The following L3MBTL4 variants were observed in gnomAD, a reference collection of about 807,000 sequenced individuals.
L3MBTL4 encodes the protein L3MBTL histone methyl-lysine binding protein 4, also known as lethal(3)malignant brain tumor-like protein 4.
L3MBTL4 carries 70 observed loss-of-function variants against 84.5 expected under a neutral mutation model. That is an observed-to-expected ratio of 0.83 (90% confidence interval 0.68 to 1.01). The LOEUF is 1.01. Ranked by LOEUF, L3MBTL4 falls within the 50% of genes least tolerant of loss-of-function variation. The pLI, the probability that L3MBTL4 is intolerant of heterozygous loss-of-function variation, is 0.00. For synonymous variants in L3MBTL4, 274 were observed against 259.8 expected, an observed-to-expected ratio of 1.05 and a Z score of -0.52; for missense variants, 715 against 754.8, an observed-to-expected ratio of 0.95 and a Z score of 0.62.
intron 14 of L3MBTL4, among the ~76,000 whole-genome samples, chr18:6,104,359 T>C (rs1055507402): frequency 2.0e-5 from 3 of 152,200 alleles, no homozygotes; most frequent in Non-Finnish European, 2.9e-5. Context: ...ATAAAGAAGA[T>C]ATGGTATATA....
At chr18:6,275,054 T>C (rs1460869109) in intron 4 of L3MBTL4, among the ~76,000 whole-genome samples, 1 of 152,094 alleles carries the variant, frequency 6.6e-6, no homozygotes, top group East Asian at 1.9e-4. Flanking sequence ...AAAGGAGACT[T>C]AGGAGGAACC....
chr18:6,095,351 T>G (rs796518933), intron 14 of L3MBTL4, among the ~76,000 whole-genome samples: 12 of 145,596 alleles, frequency 8.2e-5, no homozygotes, highest in Non-Finnish European at 1.5e-4. Flanking sequence ...ACATGGTTTT[T>G]TTTTTTTTTT....
chr18:6,325,254 A>G (rs2051654852), intron 1 of L3MBTL4, among the ~76,000 whole-genome samples: 1 of 152,230 alleles, frequency 6.6e-6, no homozygotes. Flanking sequence ...TTCAGACAAT[A>G]TAACATTACA....
chr18:6,062,750 GT>G (rs2057269798), intron 16 of L3MBTL4, among the ~76,000 whole-genome samples: 1 of 151,706 alleles, frequency 6.6e-6, no homozygotes, highest in African/African-American at 2.4e-5. Context: ...GCTTTCTTCA[GT>G]CATGTTGACT....
At chr18:6,315,494 C>T (rs894745622) in intron 1 of L3MBTL4, among the ~76,000 whole-genome samples, 31 of 152,122 alleles carry the variant, frequency 2.0e-4, no homozygotes, top group Admixed American at 1.2e-3. Context: ...TATGACAGCC[C>T]GACAATATGT....
intron 1 of L3MBTL4, among the ~76,000 whole-genome samples, chr18:6,335,637 A>G (rs898933577): frequency 2.6e-5 from 4 of 152,118 alleles, no homozygotes; most frequent in African/African-American, 9.7e-5. Context: ...AATCCTCCAC[A>G]TGTCAAGGGA....
chr18:6,236,895 A>G (rs2047238677), intron 10 of L3MBTL4, among the ~76,000 whole-genome samples: 1 of 152,224 alleles, frequency 6.6e-6, no homozygotes, highest in South Asian at 2.1e-4. Flanking sequence ...AAACATTAAA[A>G]AACAGCAAAA....
intron 17 of L3MBTL4, among the ~76,000 whole-genome samples, chr18:5,962,500 T>A (rs958479110): frequency 1.3e-5 from 2 of 152,060 alleles, no homozygotes; most frequent in Non-Finnish European, 2.9e-5. Flanking sequence ...CTGTACTTCC[T>A]CCACAGCAGC....
At chr18:5,986,185 A>G (rs1485638982) in intron 16 of L3MBTL4, among the ~76,000 whole-genome samples, 1 of 152,238 alleles carries the variant, frequency 6.6e-6, no homozygotes, top group Non-Finnish European at 1.5e-5. Flanking sequence ...ACAAGTGAGC[A>G]TGTATGAATG....
intron 10 of L3MBTL4, among the ~76,000 whole-genome samples, chr18:6,225,453 G>T (rs1331509078): frequency 6.6e-6 from 1 of 152,032 alleles, no homozygotes; most frequent in Non-Finnish European, 1.5e-5. Flanking sequence ...GGCAGCACAA[G>T]GAAAATAAAA....
At chr18:6,192,642 G>A (rs1315753739) in intron 12 of L3MBTL4, among the ~76,000 whole-genome samples, 2 of 152,174 alleles carry the variant, frequency 1.3e-5, no homozygotes, top group East Asian at 3.9e-4. Context: ...TCGTTATCTA[G>A]GAGAATGGGA....
chr18:6,276,405 G>A, intron 4 of L3MBTL4, among the ~76,000 whole-genome samples: 1 of 152,118 alleles, frequency 6.6e-6, no homozygotes, highest in East Asian at 1.9e-4. Context: ...AGGTGACAAT[G>A]ACTCAAATAA....
intron 1 of L3MBTL4, among the ~76,000 whole-genome samples, chr18:6,379,350 C>T (rs1017742899): frequency 6.6e-6 from 1 of 152,110 alleles, no homozygotes; most frequent in Admixed American, 6.5e-5. Context: ...ACTTCCAATA[C>T]TATGTTGAAT....
intron 12 of L3MBTL4, among the ~76,000 whole-genome samples, chr18:6,196,763 G>T (rs540732700): frequency 1.3e-5 from 2 of 152,274 alleles, no homozygotes; most frequent in African/African-American, 4.8e-5. Context: ...GCCTAAGGGT[G>T]TTCCAATGAG....
At chr18:6,144,008 T>C (rs373240215) in intron 13 of L3MBTL4, among the ~76,000 whole-genome samples, 79 of 152,048 alleles carry the variant, frequency 5.2e-4, no homozygotes, top group African/African-American at 1.7e-3. Context: ...CTATCCTGGC[T>C]AACACGGTGA....
intron 4 of L3MBTL4, among the ~76,000 whole-genome samples, chr18:6,287,779 G>A (rs974697449): frequency 1.1e-4 from 17 of 152,134 alleles, no homozygotes; most frequent in African/African-American, 3.4e-4. Context: ...TATTGGTATC[G>A]GATTCAAACT....
At chr18:6,115,250 G>T (rs1360096743) in intron 14 of L3MBTL4, among the ~76,000 whole-genome samples, 1 of 152,166 alleles carries the variant, frequency 6.6e-6, no homozygotes, top group Non-Finnish European at 1.5e-5. Context: ...GGGAATGATT[G>T]GTCTGACTGC....
chr18:6,134,974 T>C (rs35086339), intron 14 of L3MBTL4, among the ~76,000 whole-genome samples: 28,931 of 152,202 alleles, frequency 0.19, 3,493 homozygotes, highest in African/African-American at 0.34. Context: ...ATGAGATCCC[T>C]GCCCCTGCAG....
At chr18:6,269,420 A>T (rs1599418506) in intron 4 of L3MBTL4, among the ~76,000 whole-genome samples, 1 of 152,108 alleles carries the variant, frequency 6.6e-6, no homozygotes, top group South Asian at 2.1e-4. Context: ...TCGCACCACT[A>T]CACTCCAGCT....
Sources: allele counts gnomAD v4.1 joint callset (sites outside exome capture counted in the v4.1 genomes callset), GRCh38; gene constraint gnomAD v4.1.1; transcripts MANE v1.5; gene names NCBI Gene and HGNC (gene_info 2026-07-23, HGNC 2026-07-21).